RPS6KA2: variants seen among roughly 807,000 people sequenced by gnomAD.
The protein encoded by RPS6KA2 is ribosomal protein S6 kinase alpha-2.
A neutral mutation model predicts 91.8 loss-of-function variants in RPS6KA2; 42 were observed. The observed-to-expected ratio is 0.46, with a 90% CI of 0.36 to 0.59. RPS6KA2 has a LOEUF of 0.59. Ranked by LOEUF, RPS6KA2 falls within the 20% of genes least tolerant of loss-of-function variation. The probability of loss-of-function intolerance (pLI) is 0.00; values close to 1 mark genes in which losing one functional copy is unlikely to be tolerated. For synonymous variants in RPS6KA2, 414 were observed against 393.6 expected (o/e 1.05, Z -0.61); for missense variants, 798 against 978.5 (o/e 0.82, Z 2.46).
rs544561531 is a variant in RPS6KA2 at position 166,721,557 on chromosome 6, G to A, written c.123+136643C>T. On this transcript the variant is annotated intron_variant, in intron 2 of 21. Transcript: ENST00000503859. Reference sequence around the variant, plus strand: ...CTTAACAGAAACTTTCTAGTTTCACGAACAAAATCACAGATGAACATGCTA... The same window carrying A: ...CTTAACAGAAACTTTCTAGTTTCACAAACAAAATCACAGATGAACATGCTA... 1.5e-4 allele frequency among the ~76,000 whole-genome samples: 23 copies of A among 152,318 alleles called. No individual in the cohort carries two copies. The East Asian group carries it at 3.3e-3, about 22-fold the overall frequency.
At chr6:166,592,135 C>T (rs1785374519) in intron 1 of RPS6KA2, among the ~76,000 whole-genome samples, 1 of 152,176 alleles carries the variant, frequency 6.6e-6, no homozygotes, top group South Asian at 2.1e-4. Flanking sequence ...GTGACTTCAC[C>T]AAATACCAGC....
Position 166,702,427 on chromosome 6 carries a change from TTGTCTAGCGC to T in RPS6KA2, c.123+155763_123+155772del, listed in dbSNP as rs1583033088. ...GAAATCCATTCAGTTTGTCTAGTGC[TTGTCTAGCGC>T]TTGTCTAGCTTGGTCCTTACTGGAA... On this transcript the variant is annotated intron_variant, in intron 2 of 21. Coordinates refer to the RPS6KA2 transcript ENST00000503859. 2.5e-3 allele frequency: 55 copies of T among 21,856 alleles called. No homozygotes were observed. In the East Asian group the frequency reaches 0.24, roughly 97 times the overall value. The allele number at this position is 21,856 out of a possible 1,614,324, so 1.4% of individuals were successfully genotyped here.
chr6:166,688,432 T>C (rs1789091384), intron 2 of RPS6KA2, among the ~76,000 whole-genome samples: 1 of 152,184 alleles, frequency 6.6e-6, no homozygotes, highest in Admixed American at 6.5e-5. Flanking sequence ...TTACCTCCAG[T>C]GCAGCTGCAG....
intron 1 of RPS6KA2, among the ~76,000 whole-genome samples, chr6:166,566,720 GTC>G (rs1784516689): frequency 6.6e-6 from 1 of 152,186 alleles, no homozygotes; most frequent in African/African-American, 2.4e-5. Context: ...TGGCCCTGAG[GTC>G]TCTCAGCCAG....
chr6:166,492,347 A>C (rs1364290612), intron 8 of RPS6KA2, among the ~76,000 whole-genome samples: 1 of 152,138 alleles, frequency 6.6e-6, no homozygotes, highest in Non-Finnish European at 1.5e-5. Context: ...AAAAAGAGAC[A>C]AGTGTAATTA....
chr6:166,565,244 ACT>A (rs758905841), intron 1 of RPS6KA2, among the ~76,000 whole-genome samples: 7 of 152,018 alleles, frequency 4.6e-5, no homozygotes, highest in Non-Finnish European at 1.0e-4. Flanking sequence ...AAACCATTAA[ACT>A]CACACTGGAG....
intron 2 of RPS6KA2, among the ~76,000 whole-genome samples, chr6:166,713,735 G>A (rs142345126): frequency 1.7e-4 from 26 of 152,280 alleles, no homozygotes; most frequent in African/African-American, 5.3e-4. Flanking sequence ...ACAAAACTGC[G>A]CTTTGTGAAA....
At chr6:166,520,050 A>G (rs187374234) in intron 3 of RPS6KA2, among the ~76,000 whole-genome samples, 2 of 152,296 alleles carry the variant, frequency 1.3e-5, no homozygotes, top group African/African-American at 4.8e-5. Flanking sequence ...GGGCCAGAAT[A>G]GAACAAAAAA....
intron 2 of RPS6KA2, among the ~76,000 whole-genome samples, chr6:166,713,021 G>A (rs181463534): frequency 6.6e-6 from 1 of 152,186 alleles, no homozygotes; most frequent in Non-Finnish European, 1.5e-5. Context: ...AGGAGAACAG[G>A]GTTGTGACCC....
chr6:166,771,949 T>TACA (rs1778483413), intron 2 of RPS6KA2, among the ~76,000 whole-genome samples: 4 of 152,340 alleles, frequency 2.6e-5, no homozygotes, highest in African/African-American at 9.6e-5. Flanking sequence ...CGCCTCAGCC[T>TACA]ACACCTCCTC....
At chr6:166,797,008 A>G (rs1225608254) in intron 2 of RPS6KA2, among the ~76,000 whole-genome samples, 1 of 152,274 alleles carries the variant, frequency 6.6e-6, no homozygotes, top group Non-Finnish European at 1.5e-5. Flanking sequence ...TCTCCAGGGC[A>G]TTTGAGAGCA....
intron 1 of RPS6KA2, among the ~76,000 whole-genome samples, chr6:166,567,554 C>T (rs1020562501): frequency 2.0e-5 from 3 of 152,312 alleles, no homozygotes; most frequent in Non-Finnish European, 2.9e-5. Context: ...CAACACATCA[C>T]GGTACCAGGT....
chr6:166,760,003 G>A (rs1357724523), intron 2 of RPS6KA2, among the ~76,000 whole-genome samples: 1 of 152,218 alleles, frequency 6.6e-6, no homozygotes, highest in Non-Finnish European at 1.5e-5. Flanking sequence ...TTTAAAATAT[G>A]TAGTATTCAG....
At chr6:166,861,512 T>A (rs996414750) in intron 1 of RPS6KA2, among the ~76,000 whole-genome samples, 38 of 152,370 alleles carry the variant, frequency 2.5e-4, no homozygotes, top group African/African-American at 8.7e-4. Flanking sequence ...CTCTCAGCAG[T>A]GATTCCTGCA....
rs978116028 is a variant in RPS6KA2, at chr6:166,726,567, A to G, written c.123+131633T>C. Among the ~76,000 whole-genome samples, 1 of 152,374 alleles carries G rather than the reference A, an allele frequency of 6.6e-6. No homozygotes were observed. The highest frequency in any genetic ancestry group is 2.1e-4 in the South Asian group (1 of 4,826). On this transcript the variant is annotated intron_variant, in intron 2 of 21. Transcript: ENST00000503859. This position sits in a 1 kb window ranked among gnomAD's most constrained non-coding sequence, Gnocchi z 4.4. The stretch of plus-strand genomic sequence containing the variant: ...CACACGTCCCTTGCATGAAGAACTT[A>G]AGACGTTTCTGAAGTGACTCACCAA...
rs548357758 is a variant in RPS6KA2 at position 166,670,032 on chromosome 6, G to T, written c.124-131248C>A. ...CAGCCTTTCCAGGGCATCCAGAGAT[G>T]AGGGCACTCAGGAGAAGGGCCTTGC... On this transcript the variant is annotated intron_variant, in intron 2 of 21. Transcript: ENST00000503859. 3.9e-5 allele frequency among the ~76,000 whole-genome samples: 6 copies of T among 152,376 alleles called. No homozygotes were observed. The East Asian group carries it at 1.2e-3, about 29-fold the overall frequency.
At position 166,412,610 on chromosome 6, in the gene RPS6KA2, G is replaced by T; in HGVS notation, c.*152C>A. 1.3e-6 allele frequency: 1 copy of T among 743,682 alleles called. No individual in the cohort carries two copies. Among genetic ancestry groups the T allele is most frequent in the Non-Finnish European group, 2.1e-6 (1 of 481,356 alleles). The allele number at this position is 743,682 out of a possible 1,614,324, so 46.1% of individuals were successfully genotyped here. ...AAGCCCCCAGGTCAGGACCCTCTCCGGGGCTGAAAAAGAAAACACGGACAC... is the reference window on the plus strand; with the variant it reads ...AAGCCCCCAGGTCAGGACCCTCTCCTGGGCTGAAAAAGAAAACACGGACAC... On this transcript the variant is annotated 3_prime_UTR_variant, in exon 21 of 21. Transcript: ENST00000265678. The surrounding 1 kb of genome is among the most constrained non-coding windows in gnomAD (Gnocchi z 4.3).
At chr6:166,701,802 T>A (rs564242734) in intron 2 of RPS6KA2, 1 of 945,730 alleles carries the variant, frequency 1.1e-6, no homozygotes, top group Admixed American at 1.9e-5. Context: ...TTCTTCATGA[T>A]CTCTTCCTCA....
At chr6:166,716,202 C>T (rs1790009175) in intron 2 of RPS6KA2, among the ~76,000 whole-genome samples, 1 of 152,136 alleles carries the variant, frequency 6.6e-6, no homozygotes, top group South Asian at 2.1e-4. Context: ...TAAATTCCTG[C>T]AGCATATTTC....
Sources: allele counts gnomAD v4.1 joint callset (sites outside exome capture counted in the v4.1 genomes callset), GRCh38; gene constraint gnomAD v4.1.1; non-coding constraint Gnocchi (gnomAD v3.1); transcripts MANE v1.5; gene names NCBI Gene and HGNC (gene_info 2026-07-23, HGNC 2026-07-21).